The following RNF130 variants were observed in gnomAD, a reference collection of about 807,000 sequenced individuals.
RNF130 encodes the protein ring finger protein 130, also known as E3 ubiquitin-protein ligase RNF130.
Under a neutral mutation model 44.6 loss-of-function variants are expected in RNF130, and 21 were observed. The ratio of observed to expected loss-of-function variants is 0.47; its 90% CI spans 0.33 to 0.68. The LOEUF (loss-of-function observed/expected upper bound fraction) is 0.68. RNF130 is among the 30% of genes least tolerant of loss of function. The probability of loss-of-function intolerance (pLI) is 0.02; values close to 1 mark genes in which losing one functional copy is unlikely to be tolerated. For synonymous variants in RNF130, 214 were observed against 210.4 expected, an observed-to-expected ratio of 1.02 and a Z score of -0.15; for missense variants, 479 against 560.6, an observed-to-expected ratio of 0.85 and a Z score of 1.47.
intron 1 of RNF130, among the ~76,000 whole-genome samples, chr5:180,041,672 C>T (rs144236298): frequency 0.013 from 2,031 of 152,322 alleles, 17 homozygotes; most frequent in Admixed American, 0.025. Context: ...GCAGAGGGTG[C>T]CAGCCCTGTG....
chr5:179,925,356 C>T lies in RNF130; in HGVS notation c.1151-4930G>A, dbSNP rs116733237. Among the ~76,000 whole-genome samples, 537 of 152,204 alleles carry T rather than the reference C, an allele frequency of 3.5e-3. 4 individuals carry two copies. The highest frequency in any genetic ancestry group is 0.012 in the African/African-American group (514 of 41,534). On this transcript the variant is annotated intron_variant, in intron 7 of 7. Transcript: ENST00000522208. ...CCAAAAGATTGGGACTGGGATACTT[C>T]GGGGATAGCTAAACACGTAGAGGTA...
At chr5:179,999,003 ATATTT>A (rs781193768) in intron 3 of RNF130, among the ~76,000 whole-genome samples, 1 of 149,192 alleles carries the variant, frequency 6.7e-6, no homozygotes, top group Non-Finnish European at 1.5e-5. Context: ...TTATTTTTCA[ATATTT>A]TATTTTATTT....
rs181762974 is a variant in RNF130, at chr5:180,046,131, G to A, written c.248-5484C>T. On this transcript the variant is annotated intron_variant, in intron 1 of 8. Transcript: ENST00000521389. Reference sequence around the variant, plus strand: ...ATCTGTGCGCGGTGGACCGCGGCGCGTGCAGGCCCACAGTGCTGAGGGACC... The same window carrying A: ...ATCTGTGCGCGGTGGACCGCGGCGCATGCAGGCCCACAGTGCTGAGGGACC... Among the ~76,000 whole-genome samples the A allele has an allele frequency of 5.8e-3, 889 of 152,280 alleles. 8 individuals carry two copies. Among genetic ancestry groups the A allele is most frequent in the Non-Finnish European group, 8.2e-3 (555 of 68,026 alleles).
At chr5:179,920,643 T>C (rs142555565) in intron 7 of RNF130, among the ~76,000 whole-genome samples, 7 of 152,246 alleles carry the variant, frequency 4.6e-5, no homozygotes, top group African/African-American at 1.4e-4. Flanking sequence ...CCCAAGAGAC[T>C]AACCACTGGA....
intron 1 of RNF130, among the ~76,000 whole-genome samples, chr5:180,062,281 C>T (rs1254653124): frequency 6.6e-6 from 1 of 151,938 alleles, no homozygotes; most frequent in African/African-American, 2.4e-5. Context: ...AGGATGGTCT[C>T]GATCTCCTGA....
chr5:180,033,651 G>A (rs1451957634), intron 2 of RNF130, among the ~76,000 whole-genome samples: 6 of 151,406 alleles, frequency 4.0e-5, no homozygotes, highest in Non-Finnish European at 2.9e-5. Flanking sequence ...AGCCAAGGTC[G>A]TACCACTGCA....
chr5:179,943,366 AG>A (rs1050045291), intron 7 of RNF130, among the ~76,000 whole-genome samples: 11 of 152,350 alleles, frequency 7.2e-5, no homozygotes, highest in African/African-American at 2.6e-4. Flanking sequence ...CACAGACAAC[AG>A]AGACTGCCAG....
chr5:180,057,963 G>C (rs1448409914), intron 1 of RNF130, among the ~76,000 whole-genome samples: 4 of 152,102 alleles, frequency 2.6e-5, no homozygotes, highest in African/African-American at 9.7e-5. Flanking sequence ...TTACCTGTGG[G>C]GTCTGCGCTA....
At chr5:179,986,044 T>A (rs1762944441) in intron 3 of RNF130, among the ~76,000 whole-genome samples, 1 of 151,822 alleles carries the variant, frequency 6.6e-6, no homozygotes, top group Non-Finnish European at 1.5e-5. Context: ...AATTCTCCAG[T>A]GCTATATCCT....
chr5:179,995,037 G>A (rs554268256), intron 3 of RNF130, among the ~76,000 whole-genome samples: 1 of 152,306 alleles, frequency 6.6e-6, no homozygotes, highest in South Asian at 2.1e-4. Flanking sequence ...TGGTCCCCCA[G>A]TAGCAGGCAG....
At chr5:179,923,060 C>A (rs555528637) in intron 7 of RNF130, among the ~76,000 whole-genome samples, 19 of 152,198 alleles carry the variant, frequency 1.2e-4, no homozygotes, top group African/African-American at 4.6e-4. Context: ...TTGGTAAGAT[C>A]AAATTTATTG....
chr5:179,953,574 T>C (rs1167855953), downstream of RNF130, among the ~76,000 whole-genome samples: 1 of 152,118 alleles, frequency 6.6e-6, no homozygotes, highest in Non-Finnish European at 1.5e-5. Context: ...AATATCCACA[T>C]GCAAAAGAAT....
chr5:180,047,320 T>C (rs1764588384), intron 1 of RNF130, among the ~76,000 whole-genome samples: 2 of 152,262 alleles, frequency 1.3e-5, no homozygotes, highest in African/African-American at 2.4e-5. Flanking sequence ...CTACTGGACT[T>C]AGGTGGAGCT....
intron 2 of RNF130, among the ~76,000 whole-genome samples, chr5:180,038,412 T>G (rs1283382880): frequency 3.2e-5 from 1 of 31,322 alleles, no homozygotes; most frequent in Admixed American, 4.7e-4. Flanking sequence ...GCCTGTTTTG[T>G]TTTTTTTTTT....
At chr5:179,948,580 A>C (rs1762079325) in intron 7 of RNF130, among the ~76,000 whole-genome samples, 1 of 152,168 alleles carries the variant, frequency 6.6e-6, no homozygotes, top group Non-Finnish European at 1.5e-5. Context: ...CTGAGGCAGA[A>C]GAATTGCTTG....
At chr5:179,967,150 G>A in intron 6 of RNF130, 140 bp from the exon 7 acceptor site, 1 of 677,984 alleles carries the variant, frequency 1.5e-6, no homozygotes, top group Non-Finnish European at 2.5e-6. Context: ...TCATTTATCT[G>A]CCCACCTACC....
exon 8 of RNF130, chr5:179,920,140 G>A (rs1561657845): frequency 3.6e-6 from 2 of 548,868 alleles, no homozygotes; most frequent in Admixed American, 3.0e-5. Flanking sequence ...CAATGCTACT[G>A]TCCTCAAAGC....
chr5:180,013,645 A>T (rs1215930622), intron 2 of RNF130, among the ~76,000 whole-genome samples: 1 of 152,254 alleles, frequency 6.6e-6, no homozygotes, highest in African/African-American at 2.4e-5. Flanking sequence ...AACATTATAC[A>T]GCAAGAGAAG....
chr5:180,062,186 C>T (rs1765003037), intron 1 of RNF130, among the ~76,000 whole-genome samples: 1 of 151,994 alleles, frequency 6.6e-6, no homozygotes, highest in South Asian at 2.1e-4. Context: ...TCCTGAGTAG[C>T]TGGGACTACA....
Sources: gnomAD v4.1 joint callset for allele counts (sites outside exome capture counted in the v4.1 genomes callset) on GRCh38, gnomAD v4.1.1 for gene constraint, MANE v1.5 for transcripts, NCBI Gene and HGNC (gene_info 2026-07-23, HGNC 2026-07-21) for gene names.